Variants in DLG2 observed in about 807,000 individuals in gnomAD.
DLG2 encodes discs large MAGUK scaffold protein 2, also known as disks large homolog 2.
DLG2 carries 45 observed loss-of-function variants against 132.5 expected under a neutral mutation model. The observed-to-expected ratio is 0.34, with a 90% confidence interval of 0.27 to 0.44. DLG2 has a LOEUF of 0.44. DLG2 is among the 20% of genes least tolerant of loss of function. The probability of loss-of-function intolerance (pLI) is 1.00; values close to 1 mark genes in which losing one functional copy is unlikely to be tolerated. For synonymous variants in DLG2, 424 were observed against 419.6 expected, an observed-to-expected ratio of 1.01 and a Z score of -0.13; for missense variants, 1,045 against 1,196.9, an observed-to-expected ratio of 0.87 and a Z score of 1.87.
chr11:83,771,214 T>C (rs1261209468), intron 18 of DLG2, among the ~76,000 whole-genome samples: 1 of 152,208 alleles, frequency 6.6e-6, no homozygotes, highest in Admixed American at 6.5e-5. Context: ...TTGTGTTTCT[T>C]TTAGAATGCT....
intron 3 of DLG2, among the ~76,000 whole-genome samples, chr11:85,361,648 T>C (rs2084165133): frequency 6.6e-6 from 1 of 152,224 alleles, no homozygotes; most frequent in Non-Finnish European, 1.5e-5. Flanking sequence ...CAGGACTTTT[T>C]ATATAGCTGA....
rs570509915 is a variant in DLG2, at chr11:84,754,065, G to A, written c.358-219334C>T. ...CCAAAGTGGGTGGAGGAAAGAAGAG[G>A]AGGTAAGAAAACAGATAACCTTGAG... On this transcript the variant is annotated intron_variant, in intron 6 of 27. Coordinates refer to ENST00000376104, the MANE Select transcript of DLG2 (RefSeq NM_001142699.3). 1.2e-3 allele frequency among the ~76,000 whole-genome samples: 177 copies of A among 152,288 alleles called. 1 individual carries two copies. The highest frequency in any genetic ancestry group is 4.2e-3 in the African/African-American group (173 of 41,562).
intron 7 of DLG2, among the ~76,000 whole-genome samples, chr11:84,362,869 A>G (rs2098658178): frequency 6.6e-6 from 1 of 152,148 alleles, no homozygotes; most frequent in African/African-American, 2.4e-5. Flanking sequence ...ATAGTATTCC[A>G]TGGTGTATAT....
At chr11:84,268,619 G>A (rs1181172769) in intron 7 of DLG2, among the ~76,000 whole-genome samples, 4 of 143,254 alleles carry the variant, frequency 2.8e-5, no homozygotes, top group African/African-American at 7.7e-5. Context: ...ATGCCACCAC[G>A]CCCGGCTAAT....
At chr11:84,095,991 C>T (rs754463184) in intron 10 of DLG2, among the ~76,000 whole-genome samples, 1 of 152,142 alleles carries the variant, frequency 6.6e-6, no homozygotes, top group African/African-American at 2.4e-5. Context: ...AATAGAAAAA[C>T]AGCAAACTCT....
chr11:84,211,251 T>C (rs1159375625), intron 8 of DLG2, among the ~76,000 whole-genome samples: 1 of 152,226 alleles, frequency 6.6e-6, no homozygotes, highest in East Asian at 1.9e-4. Context: ...TCCTCTCTTA[T>C]GGCATTCCTA....
intron 3 of DLG2, among the ~76,000 whole-genome samples, chr11:85,446,781 G>A (rs1448279987): frequency 6.7e-6 from 1 of 150,332 alleles, no homozygotes; most frequent in African/African-American, 2.5e-5. Flanking sequence ...CCAGTTTGAA[G>A]GGATATAGTA....
At chr11:84,417,613 T>C (rs1461271200) in intron 7 of DLG2, among the ~76,000 whole-genome samples, 1 of 152,132 alleles carries the variant, frequency 6.6e-6, no homozygotes, top group Non-Finnish European at 1.5e-5. Flanking sequence ...CACAAACACA[T>C]ACCCAACCCT....
intron 6 of DLG2, among the ~76,000 whole-genome samples, chr11:84,632,648 T>G (rs773944422): frequency 6.6e-6 from 1 of 152,188 alleles, no homozygotes; most frequent in Non-Finnish European, 1.5e-5. Context: ...TGGAGACAGA[T>G]GATTCAAGCA....
chr11:84,886,296 G>A (rs2088293071), intron 6 of DLG2, among the ~76,000 whole-genome samples: 1 of 152,066 alleles, frequency 6.6e-6, no homozygotes, highest in Non-Finnish European at 1.5e-5. Flanking sequence ...CTTTTGGGGA[G>A]CAGAAAAGAC....
intron 6 of DLG2, among the ~76,000 whole-genome samples, chr11:85,005,529 G>T (rs2058575104): frequency 6.6e-6 from 1 of 151,958 alleles, no homozygotes; most frequent in South Asian, 2.1e-4. Flanking sequence ...CTCTCTGTTT[G>T]TCTATTATTG....
At chr11:84,816,749 A>G (rs2077123935) in intron 6 of DLG2, among the ~76,000 whole-genome samples, 1 of 152,008 alleles carries the variant, frequency 6.6e-6, no homozygotes, top group African/African-American at 2.4e-5. Context: ...GATCTAACTC[A>G]TATCCCCAAC....
intron 6 of DLG2, among the ~76,000 whole-genome samples, chr11:85,059,507 C>T (rs1007183660): frequency 4.6e-5 from 7 of 151,570 alleles, no homozygotes; most frequent in African/African-American, 1.7e-4. Context: ...AAACTAATAT[C>T]CATCAACATC....
At chr11:84,935,671 G>T (rs912084487) in intron 6 of DLG2, among the ~76,000 whole-genome samples, 18 of 152,074 alleles carry the variant, frequency 1.2e-4, no homozygotes, top group African/African-American at 4.3e-4. Context: ...CATCTAATGG[G>T]TAGAGATCAG....
chr11:84,138,677 G>A (rs968257135), intron 9 of DLG2, among the ~76,000 whole-genome samples: 7 of 152,168 alleles, frequency 4.6e-5, no homozygotes, highest in African/African-American at 1.2e-4. Context: ...GGCCAGGCAC[G>A]GTGGTTCACG....
chr11:83,472,835 A>G, intron 22 of DLG2, 58 bp from the exon 23 acceptor site: 1 of 1,425,404 alleles, frequency 7.0e-7, no homozygotes, highest in Non-Finnish European at 9.9e-7. Context: ...TACAGAGACA[A>G]GCCCTGCTCT....
chr11:84,297,130 G>A (rs12788333), intron 7 of DLG2, among the ~76,000 whole-genome samples: 86,627 of 146,532 alleles, frequency 0.59, 27,150 homozygotes, highest in African/African-American at 0.79. Context: ...CAAAGAATTT[G>A]AAAAAAAAAA....
At chr11:85,300,632 G>A (rs1344768215) in intron 3 of DLG2, among the ~76,000 whole-genome samples, 2 of 152,158 alleles carry the variant, frequency 1.3e-5, no homozygotes, top group African/African-American at 4.8e-5. Flanking sequence ...ATGTTGTCCA[G>A]AAGCAAAATT....
At chr11:83,532,352 G>A (rs2095773160) in intron 21 of DLG2, among the ~76,000 whole-genome samples, 1 of 152,096 alleles carries the variant, frequency 6.6e-6, no homozygotes, top group East Asian at 1.9e-4. Context: ...ATTTTCTGAT[G>A]AGCAGATACT....
Sources: allele counts gnomAD v4.1 joint callset (sites outside exome capture counted in the v4.1 genomes callset), GRCh38; gene constraint gnomAD v4.1.1; transcripts MANE v1.5; gene names NCBI Gene and HGNC (gene_info 2026-07-23, HGNC 2026-07-21).